The following NCK2 variants were observed in gnomAD, a reference collection of about 807,000 sequenced individuals.
NCK2 encodes the protein cytoplasmic protein NCK2.
Under a neutral mutation model 33.9 loss-of-function variants are expected in NCK2, and 16 were observed. The ratio of observed to expected loss-of-function variants is 0.47; its 90% confidence interval spans 0.32 to 0.72. NCK2 has a LOEUF of 0.72. NCK2 is among the 30% of genes least tolerant of loss of function. The pLI, the probability that NCK2 is intolerant of heterozygous loss-of-function variation, is 0.03. For synonymous variants in NCK2, 273 were observed against 239.9 expected, an observed-to-expected ratio of 1.14 and a Z score of -1.27; for missense variants, 418 against 537.3, an observed-to-expected ratio of 0.78 and a Z score of 2.19.
intron 1 of NCK2, among the ~76,000 whole-genome samples, chr2:105,784,450 T>C (rs1005694093): frequency 1.3e-5 from 2 of 152,236 alleles, no homozygotes; most frequent in African/African-American, 4.8e-5. Flanking sequence ...GGCTAGTAAG[T>C]ATTGATGCTG....
intron 2 of NCK2, among the ~76,000 whole-genome samples, chr2:105,824,578 G>A (rs1020714279): frequency 3.3e-5 from 5 of 152,032 alleles, no homozygotes; most frequent in Non-Finnish European, 5.9e-5. Context: ...ATTTAGTAAC[G>A]TTTTTGTAAT....
At chr2:105,779,650 C>T (rs1015714566) in intron 1 of NCK2, among the ~76,000 whole-genome samples, 13 of 151,928 alleles carry the variant, frequency 8.6e-5, no homozygotes, top group Admixed American at 3.3e-4. Context: ...TCTCCGCCCA[C>T]GGGAGACGTA....
chr2:105,837,033 A>G (rs910574893), intron 2 of NCK2, among the ~76,000 whole-genome samples: 1 of 152,108 alleles, frequency 6.6e-6, no homozygotes, highest in Non-Finnish European at 1.5e-5. Context: ...ACTTTTTCCT[A>G]TAACAGGGAG....
chr2:105,828,911 A>G (rs1676060108), intron 2 of NCK2, among the ~76,000 whole-genome samples: 1 of 152,188 alleles, frequency 6.6e-6, no homozygotes, highest in African/African-American at 2.4e-5. Context: ...CATCTCTCTG[A>G]GGCTTCCACC....
intron 2 of NCK2, among the ~76,000 whole-genome samples, chr2:105,834,228 T>C (rs904954811): frequency 6.6e-6 from 1 of 152,212 alleles, no homozygotes; most frequent in African/African-American, 2.4e-5. Flanking sequence ...CCAGTGTTTG[T>C]AGTGGGGTGT....
At chr2:105,851,333 G>T (rs552528161) in intron 2 of NCK2, among the ~76,000 whole-genome samples, 1 of 151,036 alleles carries the variant, frequency 6.6e-6, no homozygotes, top group Non-Finnish European at 1.5e-5. Context: ...GCGCGATCTC[G>T]GCTCACTGCA....
At chr2:105,851,203 AG>A (rs1573202390) in intron 2 of NCK2, among the ~76,000 whole-genome samples, 1 of 151,798 alleles carries the variant, frequency 6.6e-6, no homozygotes, top group Non-Finnish European at 1.5e-5. Context: ...AAAAAACTGT[AG>A]GGGGTGCCTC....
intron 2 of NCK2, 102 bp from the exon 3 acceptor site, chr2:105,854,946 A>C (rs1476195297): frequency 2.1e-5 from 16 of 771,640 alleles, no homozygotes; most frequent in Non-Finnish European, 3.5e-5. Context: ...CTGGTTGCAG[A>C]GTTGTAATAA....
intron 1 of NCK2, among the ~76,000 whole-genome samples, chr2:105,771,882 C>T (rs1690145601): frequency 6.6e-6 from 1 of 152,206 alleles, no homozygotes; most frequent in African/African-American, 2.4e-5. Context: ...ATATTTTTCT[C>T]CGCAGCTGTT....
chr2:105,806,710 G>GAA (rs58592956), intron 1 of NCK2, among the ~76,000 whole-genome samples: 1 of 151,924 alleles, frequency 6.6e-6, no homozygotes, highest in Non-Finnish European at 1.5e-5. Flanking sequence ...CTTAATGAGG[G>GAA]AAAAAAATCA....
chr2:105,762,574 G>T (rs1689802779), intron 1 of NCK2, among the ~76,000 whole-genome samples: 1 of 152,136 alleles, frequency 6.6e-6, no homozygotes, highest in African/African-American at 2.4e-5. Flanking sequence ...GAACTTTGGG[G>T]TGGGAAAAAA....
chr2:105,785,988 C>T (rs930498070), intron 1 of NCK2, among the ~76,000 whole-genome samples: 2 of 152,216 alleles, frequency 1.3e-5, no homozygotes, highest in Non-Finnish European at 2.9e-5. Context: ...TTTGTGTTTT[C>T]GTAAACGTGT....
intron 2 of NCK2, among the ~76,000 whole-genome samples, chr2:105,822,642 G>A (rs1675787526): frequency 6.6e-6 from 1 of 151,940 alleles, no homozygotes; most frequent in South Asian, 2.1e-4. Context: ...CTAGCAGTGT[G>A]GCTTCCTAGA....
At chr2:105,750,033 A>AGCAAACACACACACACAC (rs1553449486) in intron 1 of NCK2, among the ~76,000 whole-genome samples, 2 of 44,220 alleles carry the variant, frequency 4.5e-5, no homozygotes, top group Non-Finnish European at 1.1e-4. Context: ...CTCAAAAGCA[A>AGCAAACACACACACACAC]ACAAACACAC....
chr2:105,757,119 A>ATTAATGGCTC (rs1473035551), intron 1 of NCK2, among the ~76,000 whole-genome samples: 1 of 152,154 alleles, frequency 6.6e-6, no homozygotes, highest in Non-Finnish European at 1.5e-5. Context: ...TCTGAACTTT[A>ATTAATGGCTC]TTAATGGCTC....
At chr2:105,822,710 T>G (rs1034158827) in intron 2 of NCK2, among the ~76,000 whole-genome samples, 5 of 152,046 alleles carry the variant, frequency 3.3e-5, no homozygotes, top group African/African-American at 1.2e-4. Flanking sequence ...TTCTTTTCCT[T>G]AGATAGAAAC....
chr2:105,844,178 C>T (rs1237170184), intron 2 of NCK2, among the ~76,000 whole-genome samples: 2 of 152,032 alleles, frequency 1.3e-5, no homozygotes, highest in Non-Finnish European at 2.9e-5. Flanking sequence ...AAATACCTGA[C>T]CAATGCTCTT....
At chr2:105,754,768 A>G (rs2104337913) in intron 1 of NCK2, among the ~76,000 whole-genome samples, 1 of 152,174 alleles carries the variant, frequency 6.6e-6, no homozygotes, top group South Asian at 2.1e-4. Context: ...AATATTTTTA[A>G]GAGACCAAGA....
At chr2:105,849,022 C>T (rs1676959483) in intron 2 of NCK2, among the ~76,000 whole-genome samples, 1 of 152,122 alleles carries the variant, frequency 6.6e-6, no homozygotes, top group African/African-American at 2.4e-5. Context: ...TTTGAAATTT[C>T]AAGTTAATAT....
Sources: gnomAD v4.1 joint callset for allele counts (sites outside exome capture counted in the v4.1 genomes callset) on GRCh38, gnomAD v4.1.1 for gene constraint, MANE v1.5 for transcripts, NCBI Gene and HGNC (gene_info 2026-07-23, HGNC 2026-07-21) for gene names.